STK24: variants seen among roughly 807,000 people sequenced by gnomAD.
The protein encoded by STK24 is serine/threonine-protein kinase 24.
A neutral mutation model predicts 55.6 loss-of-function variants in STK24; 21 were observed. The ratio of observed to expected loss-of-function variants is 0.38; its 90% confidence interval spans 0.27 to 0.54. STK24 has a LOEUF of 0.54. Among genes scored for constraint, STK24 ranks in the 20% least tolerant of loss-of-function variants. The probability of loss-of-function intolerance (pLI) is 0.79; values close to 1 mark genes in which losing one functional copy is unlikely to be tolerated. For synonymous variants in STK24, 200 were observed against 215.2 expected (o/e 0.93, Z 0.62); for missense variants, 383 against 538.4 (o/e 0.71, Z 2.86).
intron 6 of STK24, 36 bp from the exon 7 acceptor site, chr13:98,463,872 G>A (rs1307970344): frequency 6.2e-7 from 1 of 1,605,376 alleles, no homozygotes; most frequent in Non-Finnish European, 8.5e-7. Flanking sequence ...AGTATGAGAT[G>A]AAGTTCTTGG....
chr13:98,549,324 T>G (rs566355829), intron 1 of STK24, among the ~76,000 whole-genome samples: 29 of 152,302 alleles, frequency 1.9e-4, no homozygotes, highest in African/African-American at 6.7e-4. Context: ...GTGCCATTCC[T>G]CATGGATGGC....
rs148153469 is a variant in STK24 at position 98,569,743 on chromosome 13, C to T, written c.42+7002G>A. 2.0e-4 allele frequency among the ~76,000 whole-genome samples: 30 copies of T among 152,046 alleles called. No homozygotes were observed. The East Asian group carries it at 5.6e-3, about 28-fold the overall frequency. Reference sequence around the variant, plus strand: ...TCTGACCTCACTGACATTACAACATCTCTCTGCTGGGGGAGAGCGGGGAGC... The same window carrying T: ...TCTGACCTCACTGACATTACAACATTTCTCTGCTGGGGGAGAGCGGGGAGC... On this transcript the variant is annotated intron_variant, in intron 1 of 10. Coordinates refer to ENST00000539966, the MANE Select transcript of STK24 (RefSeq NM_001032296.4).
At chr13:98,514,140 T>A (rs1308110622) in intron 2 of STK24, among the ~76,000 whole-genome samples, 2 of 152,226 alleles carry the variant, frequency 1.3e-5, no homozygotes, top group Non-Finnish European at 2.9e-5. Flanking sequence ...GTAGGCTGAT[T>A]ATTTTCTATT....
At chr13:98,564,344 T>A (rs1328091809) in intron 1 of STK24, among the ~76,000 whole-genome samples, 2 of 152,232 alleles carry the variant, frequency 1.3e-5, no homozygotes, top group East Asian at 3.8e-4. Flanking sequence ...GCTGGACAGA[T>A]GATACAGAGC....
chr13:98,453,409 T>C (rs1893294164), intron 10 of STK24, 200 bp from the exon 11 acceptor site: 1 of 583,790 alleles, frequency 1.7e-6, no homozygotes, highest in Non-Finnish European at 2.9e-6. Context: ...ACACAAAAAC[T>C]CCAGAGCATG....
intron 1 of STK24, among the ~76,000 whole-genome samples, chr13:98,536,634 G>C (rs1820490752): frequency 6.6e-6 from 1 of 152,058 alleles, no homozygotes; most frequent in African/African-American, 2.4e-5. Flanking sequence ...AAAGTGCTGG[G>C]ATTATAGGGA....
chr13:98,475,029 T>A (rs1206843819), intron 4 of STK24, 51 bp from the exon 5 acceptor site: 1 of 1,554,214 alleles, frequency 6.4e-7, no homozygotes, highest in Non-Finnish European at 8.7e-7. Flanking sequence ...TACAACTCCG[T>A]GCACTGCCAC....
chr13:98,516,136 A>C (rs1896048988), intron 2 of STK24, among the ~76,000 whole-genome samples: 1 of 152,248 alleles, frequency 6.6e-6, no homozygotes, highest in African/African-American at 2.4e-5. Flanking sequence ...AAGAATGGGC[A>C]GACAGAATTA....
chr13:98,469,541 C>A (rs1412862333), intron 5 of STK24, among the ~76,000 whole-genome samples: 7 of 135,780 alleles, frequency 5.2e-5, no homozygotes, highest in Admixed American at 4.3e-4. Flanking sequence ...GCATCCCCCC[C>A]CCCAAAAAAA....
chr13:98,450,405 C>T lies in STK24; in HGVS notation c.*2768G>A, dbSNP rs943211289. The stretch of plus-strand genomic sequence containing the variant: ...ACAAAATGCTACATACAGAACCAAA[C>T]CAGCCACTTCACAAGAGCAATGCAG... On this transcript the variant is annotated 3_prime_UTR_variant, in exon 11 of 11. Coordinates refer to ENST00000539966, the MANE Select transcript of STK24 (RefSeq NM_001032296.4). 1 of 152,162 alleles carries T rather than the reference C, an allele frequency of 6.6e-6. No homozygotes were observed. The highest frequency in any genetic ancestry group is 6.5e-5 in the Admixed American group (1 of 15,276). The allele number at this position is 152,162 out of a possible 1,614,324, so 9.4% of individuals were successfully genotyped here. A position where few individuals can be genotyped will look rare whatever the true frequency, so the allele number is the denominator to read the frequency against.
chr13:98,463,538 G>C (rs1363429083), intron 7 of STK24, among the ~76,000 whole-genome samples, 153 bp downstream of exon 7: 1 of 151,756 alleles, frequency 6.6e-6, no homozygotes, highest in East Asian at 1.9e-4. Flanking sequence ...TCCCAAACAG[G>C]CCCAGGCTGT....
intron 2 of STK24, among the ~76,000 whole-genome samples, chr13:98,509,211 C>T (rs2139361703): frequency 6.6e-6 from 1 of 152,172 alleles, no homozygotes; most frequent in South Asian, 2.1e-4. Flanking sequence ...TACATAGATG[C>T]TCAAAGTTAT....
At chr13:98,460,344 A>G (rs1893648440) in intron 9 of STK24, 28 bp downstream of exon 9, 5 of 1,603,728 alleles carry the variant, frequency 3.1e-6, no homozygotes, top group South Asian at 2.2e-5. Flanking sequence ...CTCCCCTCCC[A>G]CTCCGAAAAG....
chr13:98,535,599 A>C (rs1421375218), intron 1 of STK24, among the ~76,000 whole-genome samples: 1 of 152,180 alleles, frequency 6.6e-6, no homozygotes, highest in Non-Finnish European at 1.5e-5. Context: ...TCCCACGGGA[A>C]GGCCTTGTGC....
At chr13:98,513,517 A>G (rs988592922) in intron 2 of STK24, among the ~76,000 whole-genome samples, 6 of 152,064 alleles carry the variant, frequency 3.9e-5, no homozygotes, top group Admixed American at 3.9e-4. Context: ...AAAGGTCCAT[A>G]TGGGGCAGTG....
intron 6 of STK24, 141 bp from the exon 7 acceptor site, chr13:98,463,977 A>C (rs1049227431): frequency 1.0e-6 from 1 of 961,418 alleles, no homozygotes; most frequent in African/African-American, 1.7e-5. Context: ...TTCTCACTGC[A>C]ACTCACCCAA....
At chr13:98,533,194 C>A (rs1231163243) in intron 1 of STK24, among the ~76,000 whole-genome samples, 1 of 151,944 alleles carries the variant, frequency 6.6e-6, no homozygotes, top group Non-Finnish European at 1.5e-5. Flanking sequence ...ACCTAGCCAA[C>A]ATGGTGAAAC....
At chr13:98,456,264 C>T (rs1466402818) in intron 10 of STK24, 1 of 347,098 alleles carries the variant, frequency 2.9e-6, no homozygotes, top group African/African-American at 2.2e-5. Flanking sequence ...AAAGGGACCT[C>T]ACGTGTGCAA....
intron 1 of STK24, among the ~76,000 whole-genome samples, chr13:98,550,088 G>C (rs770796928): frequency 6.6e-6 from 1 of 152,136 alleles, no homozygotes; most frequent in Non-Finnish European, 1.5e-5. Context: ...TAGTGGCTAG[G>C]GTTGTAACAC....
Sources: gnomAD v4.1 joint callset for allele counts (sites outside exome capture counted in the v4.1 genomes callset) on GRCh38, gnomAD v4.1.1 for gene constraint, MANE v1.5 for transcripts, NCBI Gene and HGNC (gene_info 2026-07-23, HGNC 2026-07-21) for gene names.